CMC1: variants seen among roughly 807,000 people sequenced by gnomAD.
The protein encoded by CMC1 is C-X9-C motif containing 1, also known as COX assembly mitochondrial protein homolog.
A neutral mutation model predicts 14.1 loss-of-function variants in CMC1; 14 were observed. The ratio of observed to expected loss-of-function variants is 0.99; its 90% CI spans 0.66 to 1.55. The LOEUF (loss-of-function observed/expected upper bound fraction) is 1.55. Among genes scored for constraint, CMC1 ranks in the 40% most tolerant of loss-of-function variants. The pLI is 0.00. For missense variants in CMC1, 127 were observed against 123.8 expected, an observed-to-expected ratio of 1.03 and a Z score of -0.12; for synonymous variants, 50 against 38.4, an observed-to-expected ratio of 1.30 and a Z score of -1.12.
intron 1 of CMC1, among the ~76,000 whole-genome samples, chr3:28,247,433 C>T (rs1698881066): frequency 6.6e-6 from 1 of 152,116 alleles, no homozygotes; most frequent in East Asian, 1.9e-4. Flanking sequence ...CCACATGGTA[C>T]ATACAGTTTA....
Position 28,299,785 on chromosome 3 carries a change from G to T in CMC1, c.110-16548G>T, listed in dbSNP as rs534005217. ...ATGTTCAACATTGCAAGAAGAAAGT[G>T]AGCAATTCAGAAGTATTTTAATGTT... On this transcript the variant is annotated intron_variant, in intron 2 of 3. Transcript: ENST00000466830. 1.1e-3 allele frequency among the ~76,000 whole-genome samples: 163 copies of T among 152,076 alleles called. 1 individual carries two copies. The South Asian group carries it at 0.016, about 15-fold the overall frequency.
At chr3:28,314,323 G>A (rs538064709) in intron 2 of CMC1, among the ~76,000 whole-genome samples, 10 of 152,308 alleles carry the variant, frequency 6.6e-5, no homozygotes, top group African/African-American at 2.2e-4. Flanking sequence ...CTGAAAATGA[G>A]CTGGCTATAA....
At chr3:28,245,240 T>A (rs1377778506) in intron 1 of CMC1, among the ~76,000 whole-genome samples, 1 of 152,166 alleles carries the variant, frequency 6.6e-6, no homozygotes, top group Non-Finnish European at 1.5e-5. Flanking sequence ...AGCGAAAAAA[T>A]GCAGGTTACA....
In CMC1 at chr3:28,298,880, G is replaced by GCACCT. The variant is rs573430218; in HGVS notation, c.110-17452_110-17448dup. Among the ~76,000 whole-genome samples, 658 of 152,038 alleles carry GCACCT rather than the reference G, an allele frequency of 4.3e-3. 4 individuals carry two copies. The highest frequency in any genetic ancestry group is 0.017 in the Middle Eastern group (5 of 294). ...GTAGAAATAATTTGGTTGTTTTTAA[G>GCACCT]CACCTGCATGCTTTTTGGAGGCAGT... On this transcript the variant is annotated intron_variant, in intron 2 of 3. Transcript: ENST00000466830.
At chr3:28,280,713 C>G (rs1225597106) in intron 2 of CMC1, among the ~76,000 whole-genome samples, 1 of 151,972 alleles carries the variant, frequency 6.6e-6, no homozygotes, top group Non-Finnish European at 1.5e-5. Context: ...TGGAATATTG[C>G]CAAAAATGTA....
intron 2 of CMC1, among the ~76,000 whole-genome samples, chr3:28,302,803 T>G (rs938112027): frequency 2.6e-5 from 4 of 152,186 alleles, no homozygotes; most frequent in African/African-American, 7.2e-5. Flanking sequence ...TACAATGTGA[T>G]GAACCATTGC....
chr3:28,246,636 C>G (rs1698842531), intron 1 of CMC1, among the ~76,000 whole-genome samples: 1 of 152,042 alleles, frequency 6.6e-6, no homozygotes, highest in Non-Finnish European at 1.5e-5. Flanking sequence ...GGGTATCTGT[C>G]TCTCGTAGGT....
intron 2 of CMC1, among the ~76,000 whole-genome samples, chr3:28,289,903 G>T (rs1015190318): frequency 6.6e-6 from 1 of 151,976 alleles, no homozygotes; most frequent in Non-Finnish European, 1.5e-5. Flanking sequence ...AATACAAAGG[G>T]ATTATATTAT....
chr3:28,288,048 T>C (rs1006118107), intron 2 of CMC1, among the ~76,000 whole-genome samples: 1 of 152,022 alleles, frequency 6.6e-6, no homozygotes, highest in South Asian at 2.1e-4. Context: ...GGCTTGTGGA[T>C]ACCACATACG....
chr3:28,300,396 G>A (rs1023277456), intron 2 of CMC1, among the ~76,000 whole-genome samples: 66 of 152,080 alleles, frequency 4.3e-4, no homozygotes, highest in Non-Finnish European at 1.3e-4. Flanking sequence ...CCTAGAGTGC[G>A]ATGAACAGGG....
intron 2 of CMC1, among the ~76,000 whole-genome samples, chr3:28,301,244 A>C (rs1170306518): frequency 6.6e-6 from 1 of 152,118 alleles, no homozygotes; most frequent in Non-Finnish European, 1.5e-5. Context: ...TTTGGAGACA[A>C]GGCCATGCTC....
intron 2 of CMC1, among the ~76,000 whole-genome samples, chr3:28,279,749 GA>G (rs1407102957): frequency 6.6e-6 from 1 of 150,528 alleles, no homozygotes; most frequent in Non-Finnish European, 1.5e-5. Flanking sequence ...ACAGAGAGGG[GA>G]AAAAAAAAGA....
Position 28,274,212 on chromosome 3 carries a change from G to GTTTTTTTTTTTTTTTTTTT in CMC1, c.109+10839_109+10840insTTTTTTTTTTTTTTTTTTT, listed in dbSNP as rs376321066. On this transcript the variant is annotated intron_variant, in intron 2 of 3. Transcript: ENST00000466830. ...TTGGTCTTTGTACTAAAGTGTTTTT[G>GTTTTTTTTTTTTTTTTTTT]TTTTTTTCTTTTTTTTTTTTTTTGC... 2.9e-4 allele frequency among the ~76,000 whole-genome samples: 26 copies of GTTTTTTTTTTTTTTTTTTT among 88,150 alleles called. 1 individual carries two copies. Among genetic ancestry groups the GTTTTTTTTTTTTTTTTTTT allele is most frequent in the Non-Finnish European group, 3.7e-4 (17 of 46,374 alleles). The allele number at this position is 88,150 out of a possible 152,430, so 57.8% of individuals were successfully genotyped here. A position where few individuals can be genotyped will look rare whatever the true frequency, so the allele number is the denominator to read the frequency against.
intron 2 of CMC1, 99 bp downstream of exon 2, chr3:28,263,479 T>C: frequency 1.4e-6 from 1 of 703,712 alleles, no homozygotes; most frequent in Non-Finnish European, 2.3e-6. Context: ...TGAATTAATA[T>C]GTATGAATTG....
At chr3:28,253,989 T>G (rs1389146652) in intron 1 of CMC1, among the ~76,000 whole-genome samples, 2 of 152,218 alleles carry the variant, frequency 1.3e-5, no homozygotes, top group African/African-American at 2.4e-5. Flanking sequence ...CACTGCCATA[T>G]TGCAAGAACA....
chr3:28,252,599 G>T lies in CMC1; in HGVS notation c.20-10692G>T, dbSNP rs145867318. On this transcript the variant is annotated intron_variant, in intron 1 of 3. Transcript: ENST00000466830. ...AGAACTGAATTTTCAAATTTTGCTG[G>T]TTCAAATGGTGCTTCTGAAACACAA... 5.4e-3 allele frequency among the ~76,000 whole-genome samples: 823 copies of T among 152,174 alleles called. 8 individuals carry two copies. Among genetic ancestry groups the T allele is most frequent in the African/African-American group, 0.018 (761 of 41,514 alleles).
chr3:28,266,373 A>T (rs1700005752), intron 2 of CMC1, among the ~76,000 whole-genome samples: 1 of 152,196 alleles, frequency 6.6e-6, no homozygotes, highest in Admixed American at 6.5e-5. Context: ...TGAAAACTAT[A>T]ACGTAATACA....
intron 3 of CMC1, 27 bp from the exon 4 acceptor site, chr3:28,319,482 G>T (rs1244583783): frequency 6.4e-7 from 1 of 1,566,386 alleles, no homozygotes; most frequent in African/African-American, 1.4e-5. Context: ...TTATTTACTT[G>T]AAAATATTTT....
intron 2 of CMC1, chr3:28,292,662 A>G (rs1185118698): frequency 6.6e-6 from 1 of 152,186 alleles, no homozygotes; most frequent in African/African-American, 2.4e-5. Context: ...AGATGTGGTT[A>G]GTATATAATA....
Sources: allele counts gnomAD v4.1 joint callset (sites outside exome capture counted in the v4.1 genomes callset), GRCh38; gene constraint gnomAD v4.1.1; transcripts MANE v1.5; gene names NCBI Gene and HGNC (gene_info 2026-07-23, HGNC 2026-07-21).